FNDC7: variants seen among roughly 807,000 people sequenced by gnomAD.
FNDC7 encodes fibronectin type III domain-containing protein 7.
A neutral mutation model predicts 74.2 loss-of-function variants in FNDC7; 66 were observed. That is an observed-to-expected ratio of 0.89 (90% CI 0.73 to 1.09). The LOEUF (loss-of-function observed/expected upper bound fraction) is 1.09, where lower values mean the gene tolerates loss of function less well. FNDC7 is among the 50% of genes least tolerant of loss of function. The pLI is 0.00. For missense variants in FNDC7, 829 were observed against 893.4 expected (o/e 0.93, Z 0.92); for synonymous variants, 307 against 330.2 (o/e 0.93, Z 0.76).
chr1:108,730,736 T>C lies in FNDC7; in HGVS notation c.1687T>C (p.Trp563Arg). 1 of 1,612,802 alleles carries C rather than the reference T, an allele frequency of 6.2e-7. No individual in the cohort carries two copies. The highest frequency in any genetic ancestry group is 8.5e-7 in the Non-Finnish European group (1 of 1,179,318). Reference sequence around the variant, plus strand: ...CACCCAGTCAGTAATCAACGTGAGCTGGACTATTGGGAGAGTGGCTCAAAC... The same window carrying C: ...CACCCAGTCAGTAATCAACGTGAGCCGGACTATTGGGAGAGTGGCTCAAAC... ...QITQSVINVS[W>R]TIGRVAQTHV... The change falls in exon 9 of 13, where the codon TGG becomes CGG. Residue 563 changes from tryptophan to arginine, a missense_variant. Trp to Arg is a moderately radical substitution (Grantham distance 101, BLOSUM62 -3). Coordinates refer to ENST00000370017, the MANE Select transcript of FNDC7 (RefSeq NM_001144937.3).
At chr1:108,726,617 C>T (rs1661224801) in intron 6 of FNDC7, among the ~76,000 whole-genome samples, 1 of 152,176 alleles carries the variant, frequency 6.6e-6, no homozygotes, top group Non-Finnish European at 1.5e-5. Context: ...CTATTATTCT[C>T]CTCTACTAGG....
intron 6 of FNDC7, among the ~76,000 whole-genome samples, chr1:108,727,397 T>TTTGGTTTAC (rs1257251010): frequency 1.3e-5 from 2 of 152,098 alleles, no homozygotes; most frequent in African/African-American, 4.8e-5. Flanking sequence ...CCCAGTTTTA[T>TTTGGTTTAC]TTGGTTTACT....
intron 4 of FNDC7, among the ~76,000 whole-genome samples, chr1:108,720,171 C>T (rs1661066188): frequency 1.3e-5 from 2 of 152,208 alleles, no homozygotes; most frequent in African/African-American, 4.8e-5. Flanking sequence ...TTATCTTCCC[C>T]TCCTGTCCTT....
chr1:108,719,403 T>A (rs1052581092), intron 4 of FNDC7, among the ~76,000 whole-genome samples: 2 of 152,216 alleles, frequency 1.3e-5, no homozygotes, highest in African/African-American at 4.8e-5. Context: ...AGTATAAGAA[T>A]TGGGCCAAAT....
In FNDC7 at chr1:108,723,959, T is replaced by A. The variant is rs557878890; in HGVS notation, c.856+1367T>A. Among the ~76,000 whole-genome samples, 3 of 152,370 alleles carry A rather than the reference T, an allele frequency of 2.0e-5. No individual in the cohort carries two copies. In the Middle Eastern group the frequency reaches 0.01, roughly 518 times the overall value. On this transcript the variant is annotated intron_variant, in intron 5 of 12. Coordinates refer to ENST00000370017, the MANE Select transcript of FNDC7 (RefSeq NM_001144937.3). ...GTCCAGGATGTTCTAAGGCAGTTTG[T>A]GTATAACACAGTCATGATCATAGGG...
At chr1:108,740,028 C>CCAAA (rs1351271669) in intron 11 of FNDC7, among the ~76,000 whole-genome samples, 23 of 31,004 alleles carry the variant, frequency 7.4e-4, no homozygotes, top group African/African-American at 3.5e-3. Context: ...CGCCATCTCT[C>CCAAA]TAAAAAAAAA....
At chr1:108,723,928 T>G (rs1321037860) in intron 5 of FNDC7, among the ~76,000 whole-genome samples, 1 of 152,182 alleles carries the variant, frequency 6.6e-6, no homozygotes. Flanking sequence ...CCTTCACACT[T>G]AACAGGTCCA....
At chr1:108,725,030 G>A (rs927157384) in intron 5 of FNDC7, among the ~76,000 whole-genome samples, 2 of 151,812 alleles carry the variant, frequency 1.3e-5, no homozygotes, top group African/African-American at 2.4e-5. Flanking sequence ...GCAGTGAGCC[G>A]AGATCACATC....
At chr1:108,734,694 G>A (rs1330447480) in intron 10 of FNDC7, 1 of 152,096 alleles carries the variant, frequency 6.6e-6, no homozygotes, top group Non-Finnish European at 1.5e-5. Context: ...TCCATTATTT[G>A]GTCCACAGGA....
intron 9 of FNDC7, among the ~76,000 whole-genome samples, chr1:108,731,475 T>A (rs1161830353): frequency 6.6e-6 from 1 of 152,242 alleles, no homozygotes; most frequent in African/African-American, 2.4e-5. Context: ...ATCTCTTGCA[T>A]GATTCTAATT....
At position 108,716,321 on chromosome 1, in the gene FNDC7, GTGTGTGTGTGTGT is replaced by G. The variant is rs1660973648; in HGVS notation, c.83-1455_83-1443del. ...CATTAGCTTGGGGAGCAGAAGAGAG[GTGTGTGTGTGTGT>G]GTGTGTGTGTGTGTGTGTGTGTGTG... On this transcript the variant is annotated intron_variant, in intron 2 of 12. Transcript: ENST00000370017. Among the ~76,000 whole-genome samples the G allele has an allele frequency of 4.2e-3, 389 of 92,810 alleles. 4 individuals carry two copies. The Middle Eastern group carries it at 0.045, about 11-fold the overall frequency. 60.9% of individuals were successfully genotyped at this position (92,810 alleles called of 152,430 possible). A position where few individuals can be genotyped will look rare whatever the true frequency, so the allele number is the denominator to read the frequency against.
At chr1:108,720,027 T>C (rs1661063502) in intron 4 of FNDC7, among the ~76,000 whole-genome samples, 1 of 152,100 alleles carries the variant, frequency 6.6e-6, no homozygotes, top group Admixed American at 6.5e-5. Flanking sequence ...TTTTATACTA[T>C]TTCCCTAGGG....
chr1:108,728,570 C>A, intron 7 of FNDC7, 62 bp from the exon 8 acceptor site: 1 of 1,596,252 alleles, frequency 6.3e-7, no homozygotes, highest in Non-Finnish European at 8.6e-7. Context: ...AGTTTTAGAC[C>A]AAATGGCACA....
intron 9 of FNDC7, among the ~76,000 whole-genome samples, chr1:108,732,341 CAAAAAAAAA>C (rs67731443): frequency 3.9e-5 from 4 of 103,230 alleles, no homozygotes; most frequent in Non-Finnish European, 7.4e-5. Flanking sequence ...GACTCCGTCT[CAAAAAAAAA>C]AAAAAAAAAA....
intron 10 of FNDC7, among the ~76,000 whole-genome samples, chr1:108,736,438 C>G (rs1312902535): frequency 6.6e-6 from 1 of 152,216 alleles, no homozygotes; most frequent in African/African-American, 2.4e-5. Context: ...TGAATGTGTG[C>G]TTTTCTCCTA....
intron 11 of FNDC7, among the ~76,000 whole-genome samples, chr1:108,738,957 A>G (rs1661579715): frequency 6.6e-6 from 1 of 152,130 alleles, no homozygotes. Context: ...GTCTTCAGTG[A>G]AAGGTACATG....
chr1:108,733,410 G>A lies in FNDC7; in HGVS notation c.2018G>A (p.Ser673Asn). The change falls in exon 10 of 13, where the codon AGT (serine) becomes AAT (asparagine). Residue 673 changes from serine (S) to asparagine (N), a missense_variant. Physicochemically the swap from Ser to Asn is conservative, Grantham distance 46. Coordinates refer to ENST00000370017, the MANE Select transcript of FNDC7 (RefSeq NM_001144937.3). Reference protein sequence around the residue: ...GSKGIFTCTPSAGLSFCDVTE... With the variant: ...GSKGIFTCTPNAGLSFCDVTE... The stretch of plus-strand genomic sequence containing the variant: ...AAAGGCATTTTCACGTGCACCCCGA[G>A]TGCTGGCCTCAGTTTCTGTGATGTC... 6.2e-7 allele frequency: 1 copy of A among 1,614,104 alleles called. No homozygotes were observed. Among genetic ancestry groups the A allele is most frequent in the Non-Finnish European group, 8.5e-7 (1 of 1,180,026 alleles).
chr1:108,728,934 T>A, intron 8 of FNDC7, 48 bp downstream of exon 8: 4 of 1,595,576 alleles, frequency 2.5e-6, no homozygotes, highest in Non-Finnish European at 3.4e-6. Context: ...GGGGTCCTTA[T>A]GGAGTGTTTC....
In FNDC7 at chr1:108,741,932, T is replaced by A; in HGVS notation, c.*45T>A. On this transcript the variant is annotated 3_prime_UTR_variant, in exon 13 of 13. Transcript: ENST00000370017. ...TTCCCATTTGTCTTGCAGAGTTGTC[T>A]CATTTGTTAGTGATTAGAGATGGAA... 2.1e-6 allele frequency: 2 copies of A among 960,276 alleles called. No homozygotes were observed. The highest frequency in any genetic ancestry group is 3.2e-6 in the Non-Finnish European group (2 of 619,584). The allele number at this position is 960,276 out of a possible 1,614,324, so 59.5% of individuals were successfully genotyped here.
Sources: allele counts gnomAD v4.1 joint callset (sites outside exome capture counted in the v4.1 genomes callset), GRCh38; gene constraint gnomAD v4.1.1; transcripts MANE v1.5; gene names NCBI Gene and HGNC (gene_info 2026-07-23, HGNC 2026-07-21).